CCR5AS: variants seen among roughly 807,000 people sequenced by gnomAD.
The protein encoded by CCR5AS is CCR5 antisense RNA.
intron 1 of CCR5AS, among the ~76,000 whole-genome samples, chr3:46,405,878 C>CT (rs113608683): frequency 7.5e-4 from 111 of 148,770 alleles, no homozygotes; most frequent in African/African-American, 2.0e-3. Context: ...CCTCCTTCTT[C>CT]TTTTTTTTTT....
intron 2 of CCR5AS, chr3:46,373,721 C>T: frequency 6.2e-7 from 1 of 1,614,018 alleles, no homozygotes; most frequent in East Asian, 2.2e-5. Flanking sequence ...GTAGCTCTAA[C>T]AGGTTGGACC....
At chr3:46,385,393 T>C (rs775318035) in intron 2 of CCR5AS, among the ~76,000 whole-genome samples, 2 of 152,100 alleles carry the variant, frequency 1.3e-5, no homozygotes, top group Non-Finnish European at 2.9e-5. Context: ...CAGGGGTCAA[T>C]AAGAACCTGA....
intron 2 of CCR5AS, among the ~76,000 whole-genome samples, chr3:46,376,961 C>A (rs944271590): frequency 6.6e-6 from 1 of 152,084 alleles, no homozygotes; most frequent in Non-Finnish European, 1.5e-5. Flanking sequence ...CTTGTCCCTA[C>A]CAAGACTTGA....
At chr3:46,385,500 A>G (rs1017037239) in intron 2 of CCR5AS, among the ~76,000 whole-genome samples, 10 of 152,176 alleles carry the variant, frequency 6.6e-5, no homozygotes, top group Non-Finnish European at 4.4e-5. Flanking sequence ...TATATGCTCA[A>G]TAACATACCA....
chr3:46,383,785 TA>T (rs1315202563), intron 2 of CCR5AS, among the ~76,000 whole-genome samples: 2 of 152,140 alleles, frequency 1.3e-5, no homozygotes, highest in Non-Finnish European at 2.9e-5. Context: ...AGTTGTGCAC[TA>T]ACCATCTGCA....
intron 3 of CCR5AS, among the ~76,000 whole-genome samples, chr3:46,369,416 A>G (rs1370724837): frequency 6.8e-6 from 1 of 146,040 alleles, no homozygotes; most frequent in African/African-American, 2.6e-5. Flanking sequence ...CTGTTGTAGC[A>G]CAGACATATG....
At chr3:46,375,437 T>TGCTG in intron 2 of CCR5AS, 2 of 167,122 alleles carry the variant, frequency 1.2e-5, no homozygotes, top group Middle Eastern at 6.8e-3. Flanking sequence ...CATTCAGGGA[T>TGCTG]AGCACTGAGC....
At chr3:46,386,926 T>C (rs2187673) in intron 2 of CCR5AS, among the ~76,000 whole-genome samples, 94,632 of 151,958 alleles carry the variant, frequency 0.62, 29,731 homozygotes, top group African/African-American at 0.7. Flanking sequence ...ACAGTGTTGG[T>C]CATATGTTTG....
chr3:46,365,608 G>T (rs374736504), intron 3 of CCR5AS, among the ~76,000 whole-genome samples: 1 of 152,298 alleles, frequency 6.6e-6, no homozygotes, highest in East Asian at 1.9e-4. Flanking sequence ...ACTGGCCACT[G>T]CCACAGTCCA....
chr3:46,370,480 C>T (rs915791234), intron 3 of CCR5AS, among the ~76,000 whole-genome samples: 2 of 152,174 alleles, frequency 1.3e-5, no homozygotes, highest in Admixed American at 6.5e-5. Context: ...TCCCCCTCTA[C>T]ATTTAAAGTT....
intron 2 of CCR5AS, among the ~76,000 whole-genome samples, chr3:46,390,810 C>A (rs867949144): frequency 6.6e-6 from 1 of 152,102 alleles, no homozygotes; most frequent in African/African-American, 2.4e-5. Flanking sequence ...AAGTTGGCAC[C>A]AGAGTGGGGG....
chr3:46,372,974 T>C (rs766509880), intron 2 of CCR5AS: 9 of 1,613,732 alleles, frequency 5.6e-6, no homozygotes, highest in Non-Finnish European at 7.6e-6. Context: ...AAAAAATCAA[T>C]GTGAAGCAAA....
chr3:46,392,826 C>G, exon 2 of CCR5AS: 1 of 205,526 alleles, frequency 4.9e-6, no homozygotes. Flanking sequence ...ACCGCTTACC[C>G]GGTTTGAAAT....
intron 2 of CCR5AS, among the ~76,000 whole-genome samples, chr3:46,377,689 C>G (rs568723035): frequency 4.1e-4 from 63 of 151,876 alleles, no homozygotes; most frequent in Non-Finnish European, 7.4e-4. Context: ...AAATGTGAAC[C>G]AGAAAACAAA....
rs988502770 is a variant in CCR5AS at position 46,383,367 on chromosome 3, C to T, written n.391+9458G>A. 2.0e-4 allele frequency among the ~76,000 whole-genome samples: 31 copies of T among 152,204 alleles called. 2 individuals carry two copies. Among genetic ancestry groups the T allele is most frequent in the African/African-American group, 1.2e-4 (5 of 41,446 alleles). On this transcript the variant is annotated intron_variant and non_coding_transcript_variant, in intron 2 of 3. Transcript: ENST00000451485. ...GTGAGGGCAGCAGGCCAATTCCCCA[C>T]CCCTTCCTTCTGGACTCTGACAGAA... is the stretch of plus-strand genomic sequence containing the variant.
intron 2 of CCR5AS, among the ~76,000 whole-genome samples, chr3:46,386,674 C>T (rs986463062): frequency 2.6e-5 from 4 of 152,132 alleles, no homozygotes; most frequent in African/African-American, 9.7e-5. Flanking sequence ...TTAGAACAAA[C>T]CAATGAGAAA....
At chr3:46,390,913 G>T (rs1701906174) in intron 2 of CCR5AS, among the ~76,000 whole-genome samples, 1 of 152,192 alleles carries the variant, frequency 6.6e-6, no homozygotes, top group Non-Finnish European at 1.5e-5. Context: ...AATGTGGAGT[G>T]GGTAGCCTCC....
chr3:46,405,601 G>A (rs1470495711), intron 1 of CCR5AS, among the ~76,000 whole-genome samples: 6 of 152,026 alleles, frequency 3.9e-5, no homozygotes, highest in Non-Finnish European at 5.9e-5. Flanking sequence ...AGGCTGTAGG[G>A]GGTGGGAAGA....
intron 1 of CCR5AS, among the ~76,000 whole-genome samples, chr3:46,397,330 C>G (rs571982914): frequency 6.6e-6 from 1 of 152,352 alleles, no homozygotes; most frequent in Non-Finnish European, 1.5e-5. Context: ...TATTTTCTCC[C>G]CAGGGTCTGG....
Sources: gnomAD v4.1 joint callset for allele counts (sites outside exome capture counted in the v4.1 genomes callset) on GRCh38, gnomAD v4.1.1 for gene constraint, MANE v1.5 for transcripts, NCBI Gene and HGNC (gene_info 2026-07-23, HGNC 2026-07-21) for gene names.